The following ITPR2 variants were observed in gnomAD, a reference collection of about 807,000 sequenced individuals.
ITPR2 encodes the protein inositol 1,4,5-trisphosphate-gated calcium channel ITPR2.
A neutral mutation model predicts 317.1 loss-of-function variants in ITPR2; 207 were observed. The observed-to-expected ratio is 0.65, with a 90% CI of 0.58 to 0.73. The LOEUF is 0.73. Among genes scored for constraint, ITPR2 ranks in the 30% least tolerant of loss-of-function variants. ITPR2 has a pLI of 0.00. For synonymous variants in ITPR2, 1,156 were observed against 1,149.1 expected (o/e 1.01, Z -0.12); for missense variants, 2,613 against 3,284.0 (o/e 0.80, Z 4.99).
intron 54 of ITPR2, 95 bp from the exon 55 acceptor site, chr12:26,387,689 A>G: frequency 8.2e-7 from 1 of 1,217,364 alleles, no homozygotes; most frequent in Non-Finnish European, 1.1e-6. Flanking sequence ...ATTGTGAAAA[A>G]AATGCTTTCA....
chr12:26,736,950 T>C (rs1949130267), intron 2 of ITPR2, among the ~76,000 whole-genome samples: 1 of 152,222 alleles, frequency 6.6e-6, no homozygotes, highest in Admixed American at 6.5e-5. Flanking sequence ...CTGGGAAATG[T>C]TGCCTAACAG....
chr12:26,595,170 CTCT>C (rs1945811082), intron 32 of ITPR2, among the ~76,000 whole-genome samples: 1 of 152,186 alleles, frequency 6.6e-6, no homozygotes, highest in African/African-American at 2.4e-5. Flanking sequence ...CAAATATCTT[CTCT>C]AACCAATATA....
intron 23 of ITPR2, among the ~76,000 whole-genome samples, chr12:26,625,842 C>T (rs910612189): frequency 1.3e-5 from 2 of 152,092 alleles, no homozygotes; most frequent in Non-Finnish European, 2.9e-5. Flanking sequence ...ACTAAAATTC[C>T]GTCCCTTTTT....
intron 26 of ITPR2, 93 bp from the exon 27 acceptor site, chr12:26,602,799 T>A (rs948787651): frequency 3.7e-6 from 2 of 546,828 alleles, no homozygotes; most frequent in African/African-American, 2.0e-5. Context: ...ATTTTGTAAT[T>A]ATTTTGTAAT....
Position 26,595,632 on chromosome 12 carries a change from T to C in ITPR2, c.4255-42A>G, listed in dbSNP as rs774313120. ...TACAAAAGAAAGTTAGTTTTCTTTA[T>C]TGATGACTTTCAAATATCAATTATG... On this transcript the variant is annotated intron_variant, in intron 31 of 56. Transcript: ENST00000381340. The C allele has an allele frequency of 5.5e-6, 8 of 1,456,426 alleles. No individual in the cohort carries two copies. In the Admixed American group the frequency reaches 9.9e-5, roughly 18 times the overall value. The allele number at this position is 1,456,426 out of a possible 1,614,324, so 90.2% of individuals were successfully genotyped here. A position where few individuals can be genotyped will look rare whatever the true frequency, so the allele number is the denominator to read the frequency against.
intron 2 of ITPR2, among the ~76,000 whole-genome samples, chr12:26,747,629 A>T (rs1374963374): frequency 2.6e-5 from 4 of 152,184 alleles, no homozygotes; most frequent in African/African-American, 9.7e-5. Context: ...CTTCCTAAAC[A>T]TCACTGAAGC....
chr12:26,549,251 ATAATT>A (rs1040098814), intron 37 of ITPR2, among the ~76,000 whole-genome samples: 2 of 152,240 alleles, frequency 1.3e-5, no homozygotes, highest in African/African-American at 4.8e-5. Flanking sequence ...TTTTCCAAAT[ATAATT>A]TAAGTGATGC....
chr12:26,365,584 C>T (rs1938984159), intron 55 of ITPR2, among the ~76,000 whole-genome samples: 1 of 152,090 alleles, frequency 6.6e-6, no homozygotes, highest in Admixed American at 6.5e-5. Context: ...CTCATCTGTG[C>T]ATTTATTCTA....
At chr12:26,712,411 G>C (rs970810053) in intron 8 of ITPR2, among the ~76,000 whole-genome samples, 1 of 152,106 alleles carries the variant, frequency 6.6e-6, no homozygotes, top group African/African-American at 2.4e-5. Context: ...ACTCAGATAA[G>C]ATAATAATTA....
intron 52 of ITPR2, among the ~76,000 whole-genome samples, chr12:26,408,706 G>C (rs1384378705): frequency 6.6e-6 from 1 of 152,044 alleles, no homozygotes; most frequent in Non-Finnish European, 1.5e-5. Flanking sequence ...CTTTGTTGCT[G>C]GTTCACTAGC....
intron 37 of ITPR2, among the ~76,000 whole-genome samples, chr12:26,525,172 A>T (rs1173056526): frequency 2.0e-5 from 3 of 152,132 alleles, no homozygotes; most frequent in Non-Finnish European, 4.4e-5. Flanking sequence ...TATCACTACC[A>T]TGAGGAGAGT....
chr12:26,613,413 TA>T (rs1300552939), intron 26 of ITPR2, among the ~76,000 whole-genome samples: 1 of 152,136 alleles, frequency 6.6e-6, no homozygotes, highest in African/African-American at 2.4e-5. Flanking sequence ...ATAAAATATT[TA>T]AAACATCTCT....
chr12:26,381,656 T>A (rs1232415439), intron 55 of ITPR2, among the ~76,000 whole-genome samples: 1 of 152,234 alleles, frequency 6.6e-6, no homozygotes, highest in Non-Finnish European at 1.5e-5. Flanking sequence ...TCAACACTGC[T>A]GCAATGTCAG....
At chr12:26,723,638 C>A (rs112866962) in intron 4 of ITPR2, among the ~76,000 whole-genome samples, 1 of 152,302 alleles carries the variant, frequency 6.6e-6, no homozygotes, top group African/African-American at 2.4e-5. Context: ...CTTATCCCAA[C>A]AGTGCACTGC....
At chr12:26,523,793 G>A (rs535266959) in intron 37 of ITPR2, among the ~76,000 whole-genome samples, 2 of 152,312 alleles carry the variant, frequency 1.3e-5, no homozygotes, top group African/African-American at 4.8e-5. Context: ...CTCACGGATC[G>A]TTCAAAGCAA....
At chr12:26,436,150 T>C in intron 48 of ITPR2, 71 bp downstream of exon 48, 2 of 1,362,240 alleles carry the variant, frequency 1.5e-6, no homozygotes, top group East Asian at 2.6e-5. Flanking sequence ...AAATTATTCT[T>C]ATTTTGAAGC....
intron 10 of ITPR2, among the ~76,000 whole-genome samples, chr12:26,690,341 T>C (rs1271373343): frequency 7.6e-6 from 1 of 131,244 alleles, no homozygotes; most frequent in Non-Finnish European, 1.6e-5. Context: ...CATTGCCTAG[T>C]GTAGAAGCAA....
At chr12:26,666,277 A>T (rs970766628) in intron 13 of ITPR2, among the ~76,000 whole-genome samples, 1 of 152,220 alleles carries the variant, frequency 6.6e-6, no homozygotes, top group Admixed American at 6.5e-5. Context: ...AAAAGTATTT[A>T]ATTGACAAAA....
chr12:26,776,959 T>C (rs1949984749), intron 2 of ITPR2, among the ~76,000 whole-genome samples: 1 of 152,106 alleles, frequency 6.6e-6, no homozygotes, highest in Non-Finnish European at 1.5e-5. Context: ...GTTTTCTAAT[T>C]TATATTAGCA....
Sources: allele counts gnomAD v4.1 joint callset (sites outside exome capture counted in the v4.1 genomes callset), GRCh38; gene constraint gnomAD v4.1.1; transcripts MANE v1.5; gene names NCBI Gene and HGNC (gene_info 2026-07-23, HGNC 2026-07-21).